Variants in ZDHHC14 observed in about 807,000 individuals in gnomAD.
The protein encoded by ZDHHC14 is zDHHC palmitoyltransferase 14.
Under a neutral mutation model 47.7 loss-of-function variants are expected in ZDHHC14, and 16 were observed. The observed-to-expected ratio is 0.34, with a 90% CI of 0.23 to 0.51. The LOEUF (loss-of-function observed/expected upper bound fraction) is 0.51, where lower values mean the gene tolerates loss of function less well. ZDHHC14 is among the 20% of genes least tolerant of loss of function. ZDHHC14 has a pLI of 0.97. For synonymous variants in ZDHHC14, 293 were observed against 278.9 expected (o/e 1.05, Z -0.50); for missense variants, 515 against 662.5 (o/e 0.78, Z 2.44).
chr6:157,489,409 T>A (rs1013696532), intron 1 of ZDHHC14, among the ~76,000 whole-genome samples: 2 of 151,980 alleles, frequency 1.3e-5, no homozygotes, highest in South Asian at 2.1e-4. Flanking sequence ...ACAGGTTTTT[T>A]AAAACACCTT....
chr6:157,571,492 T>C lies in ZDHHC14; in HGVS notation c.407-21496T>C, dbSNP rs920297149. On this transcript the variant is annotated intron_variant, in intron 2 of 8. Coordinates refer to ENST00000359775, the MANE Select transcript of ZDHHC14 (RefSeq NM_024630.3). ...AAACAAACAGTTTAAACACCTGGCCTGGCTGTTTTACTGGGCAGACCTTCC... is the reference window on the plus strand; with the variant it reads ...AAACAAACAGTTTAAACACCTGGCCCGGCTGTTTTACTGGGCAGACCTTCC... Among the ~76,000 whole-genome samples, 9 of 152,254 alleles carry C rather than the reference T, an allele frequency of 5.9e-5. 1 individual carries two copies. Among genetic ancestry groups the C allele is most frequent in the Non-Finnish European group, 1.2e-4 (8 of 68,042 alleles).
At chr6:157,446,526 C>T (rs145969864) in intron 1 of ZDHHC14, among the ~76,000 whole-genome samples, 43 of 152,262 alleles carry the variant, frequency 2.8e-4, no homozygotes, top group African/African-American at 9.1e-4. Flanking sequence ...TCTCCTGCCT[C>T]GGCCTCCCGA....
chr6:157,578,043 G>T (rs752286990), intron 2 of ZDHHC14, among the ~76,000 whole-genome samples: 24 of 101,846 alleles, frequency 2.4e-4, no homozygotes, highest in African/African-American at 5.3e-4. Context: ...TAATGGGGTT[G>T]TTTTTTTTTC....
intron 2 of ZDHHC14, among the ~76,000 whole-genome samples, chr6:157,561,765 G>A (rs1782716115): frequency 6.6e-6 from 1 of 152,114 alleles, no homozygotes; most frequent in Non-Finnish European, 1.5e-5. Context: ...GGTTTCAAGT[G>A]ATTCTGCCTC....
At chr6:157,570,794 CATATATATACACACACACACACATATAT>C (rs1562486339) in intron 2 of ZDHHC14, among the ~76,000 whole-genome samples, 2 of 147,758 alleles carry the variant, frequency 1.4e-5, no homozygotes, top group Non-Finnish European at 3.0e-5. Context: ...CACACACACA[CATATATATACACACACACACACATATAT>C]ATATATATAC....
intron 1 of ZDHHC14, among the ~76,000 whole-genome samples, chr6:157,536,547 AG>A (rs1781549993): frequency 6.6e-6 from 1 of 152,220 alleles, no homozygotes; most frequent in African/African-American, 2.4e-5. Context: ...CTTCTCCCAA[AG>A]AATGTCCTCT....
At position 157,677,073 on chromosome 6, in the gene ZDHHC14, A is replaced by G. The variant is rs1778981452; in HGVS notation, c.*3951A>G. 1 of 152,206 alleles carries G rather than the reference A, an allele frequency of 6.6e-6. No homozygotes were observed. The highest frequency in any genetic ancestry group is 2.4e-5 in the African/African-American group (1 of 41,448). The allele number at this position is 152,206 out of a possible 1,614,324, so 9.4% of individuals were successfully genotyped here. A position where few individuals can be genotyped will look rare whatever the true frequency, so the allele number is the denominator to read the frequency against. On this transcript the variant is annotated 3_prime_UTR_variant, in exon 9 of 9. Coordinates refer to ENST00000359775, the MANE Select transcript of ZDHHC14 (RefSeq NM_024630.3). ...CTGTTTTGAAGCTGAGCCGAAATCA[A>G]ATTGATGTTTACATTTTCTATCAAG...
At chr6:157,606,059 G>A (rs768799322) in intron 3 of ZDHHC14, among the ~76,000 whole-genome samples, 2 of 152,174 alleles carry the variant, frequency 1.3e-5, no homozygotes, top group Non-Finnish European at 1.5e-5. Context: ...TATGAAGATC[G>A]CATTACTCTC....
At chr6:157,647,907 T>C (rs1048067138) in intron 7 of ZDHHC14, among the ~76,000 whole-genome samples, 1 of 152,216 alleles carries the variant, frequency 6.6e-6, no homozygotes, top group Non-Finnish European at 1.5e-5. Context: ...TGCTCTAAGT[T>C]CTTTATCTGC....
chr6:157,666,854 A>G (rs1039689675), intron 8 of ZDHHC14, among the ~76,000 whole-genome samples: 2 of 152,244 alleles, frequency 1.3e-5, no homozygotes, highest in African/African-American at 4.8e-5. Context: ...GCTAATGTGT[A>G]TGACTTCCAG....
rs948268238 is a variant in ZDHHC14 at position 157,427,086 on chromosome 6, C to A, written c.245+44820C>A. 6.6e-6 allele frequency among the ~76,000 whole-genome samples: 1 copy of A among 151,882 alleles called. No individual in the cohort carries two copies. Among genetic ancestry groups the A allele is most frequent in the East Asian group, 1.9e-4 (1 of 5,156 alleles). ...AGCTGGGGTGGCAGGGGAGCAAGGG[C>A]CCCAGGGAGAAGAGAGGGAAGGAAG... is the stretch of plus-strand genomic sequence containing the variant. On this transcript the variant is annotated intron_variant, in intron 1 of 8. Transcript: ENST00000359775. The surrounding 1 kb of genome is among the most constrained non-coding windows in gnomAD (Gnocchi z 4.4).
At chr6:157,537,719 G>A (rs1337840183) in intron 1 of ZDHHC14, among the ~76,000 whole-genome samples, 4 of 152,194 alleles carry the variant, frequency 2.6e-5, no homozygotes, top group Non-Finnish European at 5.9e-5. Flanking sequence ...GGCCCTTGGG[G>A]ATGGAGTCTT....
intron 2 of ZDHHC14, among the ~76,000 whole-genome samples, chr6:157,578,661 G>A (rs990325067): frequency 1.3e-5 from 2 of 152,168 alleles, no homozygotes; most frequent in African/African-American, 4.8e-5. Flanking sequence ...CATGGGGGTG[G>A]TTTCCCCTAT....
chr6:157,640,713 C>G (rs1294037721), intron 5 of ZDHHC14, among the ~76,000 whole-genome samples: 4 of 152,140 alleles, frequency 2.6e-5, no homozygotes, highest in African/African-American at 9.7e-5. Context: ...GAGGGAGGGT[C>G]AGGAAGAAAA....
At position 157,523,573 on chromosome 6, in the gene ZDHHC14, G is replaced by A. The variant is rs111517873; in HGVS notation, c.246-19012G>A. On this transcript the variant is annotated intron_variant, in intron 1 of 8. Transcript: ENST00000359775. ...GCATAAAAGTTGGCATAGCCTGATT[G>A]GGGAAATAATATACTTTAAATTCAT... Among the ~76,000 whole-genome samples the A allele has an allele frequency of 4.8e-3, 733 of 152,110 alleles. 5 individuals carry two copies. Among genetic ancestry groups the A allele is most frequent in the African/African-American group, 0.017 (703 of 41,486 alleles).
intron 2 of ZDHHC14, among the ~76,000 whole-genome samples, chr6:157,585,832 G>C (rs1350897326): frequency 6.6e-6 from 1 of 152,258 alleles, no homozygotes; most frequent in African/African-American, 2.4e-5. Flanking sequence ...TTTTGAAAGA[G>C]TCAGATCCAC....
intron 1 of ZDHHC14, among the ~76,000 whole-genome samples, chr6:157,510,213 C>T (rs1016218772): frequency 1.3e-5 from 2 of 152,124 alleles, no homozygotes; most frequent in Admixed American, 6.5e-5. Flanking sequence ...CACTGCACTC[C>T]AGCCTGGGTG....
intron 2 of ZDHHC14, among the ~76,000 whole-genome samples, chr6:157,546,863 C>G (rs995614413): frequency 6.6e-6 from 1 of 152,216 alleles, no homozygotes; most frequent in African/African-American, 2.4e-5. Flanking sequence ...CCCACCCGTT[C>G]CACCGTCCTG....
intron 1 of ZDHHC14, among the ~76,000 whole-genome samples, chr6:157,390,545 C>T (rs148009061): frequency 3.3e-5 from 5 of 151,898 alleles, no homozygotes; most frequent in Admixed American, 1.3e-4. Context: ...TTATATAGTC[C>T]CATACTTTTT....
Sources: gnomAD v4.1 joint callset for allele counts (sites outside exome capture counted in the v4.1 genomes callset) on GRCh38, gnomAD v4.1.1 for gene constraint, Gnocchi (gnomAD v3.1) non-coding constraint, MANE v1.5 for transcripts, NCBI Gene and HGNC (gene_info 2026-07-23, HGNC 2026-07-21) for gene names.